Variants in EDIL3 observed in about 807,000 individuals in gnomAD.
EDIL3 encodes the protein EGF like and discoidin domains 3.
A neutral mutation model predicts 67.4 loss-of-function variants in EDIL3; 37 were observed. The observed-to-expected ratio is 0.55, with a 90% confidence interval of 0.42 to 0.72. EDIL3 has a LOEUF of 0.72. Ranked by LOEUF, EDIL3 falls within the 30% of genes least tolerant of loss-of-function variation. The pLI is 0.00. For synonymous variants in EDIL3, 195 were observed against 196.3 expected, an observed-to-expected ratio of 0.99 and a Z score of 0.05; for missense variants, 527 against 586.3, an observed-to-expected ratio of 0.90 and a Z score of 1.04.
chr5:84,338,509 C>G (rs1747033654), intron 1 of EDIL3, among the ~76,000 whole-genome samples: 1 of 152,142 alleles, frequency 6.6e-6, no homozygotes, highest in Non-Finnish European at 1.5e-5. Context: ...CTTCCTTTTG[C>G]TATCAGAGTG....
In EDIL3 at chr5:84,002,649, C is replaced by A. The variant is rs141921427; in HGVS notation, c.1138-39289G>T. ...TTTCTATATGCCAACAGTGAAATAC[C>A]TGAAAAAGAAATCAAGAAAGTAATC... On this transcript the variant is annotated intron_variant, in intron 9 of 10. Transcript: ENST00000296591. Among the ~76,000 whole-genome samples the A allele has an allele frequency of 7.1e-3, 1,087 of 152,222 alleles. 16 individuals carry two copies. The highest frequency in any genetic ancestry group is 0.024 in the African/African-American group (990 of 41,540).
intron 10 of EDIL3, among the ~76,000 whole-genome samples, chr5:83,958,412 GTGTGATTCCTCT>G (rs1744551549): frequency 6.6e-6 from 1 of 151,470 alleles, no homozygotes; most frequent in Non-Finnish European, 1.5e-5. Context: ...ATGAATATAC[GTGTGATTCCTCT>G]TTAAGGACCA....
At chr5:84,123,157 G>A (rs1747809461) in intron 5 of EDIL3, among the ~76,000 whole-genome samples, 1 of 151,882 alleles carries the variant, frequency 6.6e-6, no homozygotes, top group African/African-American at 2.4e-5. Flanking sequence ...AATGCCTCAG[G>A]ATAAATTGTG....
intron 3 of EDIL3, among the ~76,000 whole-genome samples, chr5:84,194,230 T>C (rs1743652608): frequency 6.6e-6 from 1 of 151,938 alleles, no homozygotes; most frequent in African/African-American, 2.4e-5. Flanking sequence ...GGTCATCTTG[T>C]TTTGTTTTTC....
chr5:84,297,884 G>T (rs1237232365), intron 1 of EDIL3, among the ~76,000 whole-genome samples: 1 of 152,130 alleles, frequency 6.6e-6, no homozygotes, highest in South Asian at 2.1e-4. Flanking sequence ...AGAGCCACGA[G>T]CCCTGGATTC....
At chr5:84,075,743 G>A (rs942624553) in intron 6 of EDIL3, among the ~76,000 whole-genome samples, 4 of 151,982 alleles carry the variant, frequency 2.6e-5, no homozygotes, top group African/African-American at 9.7e-5. Flanking sequence ...CCAGAGTGCT[G>A]GGATTACAGG....
At position 83,986,975 on chromosome 5, in the gene EDIL3, T is replaced by A. The variant is rs535421819; in HGVS notation, c.1138-23615A>T. 7.9e-5 allele frequency among the ~76,000 whole-genome samples: 12 copies of A among 152,238 alleles called. No homozygotes were observed. In the East Asian group the frequency reaches 2.3e-3, roughly 29 times the overall value. ...GGACTTTCTTAGTAACGAGCCATGATCAGGAAGCTAAGAAAGTTACAGTCT... is the reference window on the plus strand; with the variant it reads ...GGACTTTCTTAGTAACGAGCCATGAACAGGAAGCTAAGAAAGTTACAGTCT... On this transcript the variant is annotated intron_variant, in intron 9 of 10. Coordinates refer to ENST00000296591, the MANE Select transcript of EDIL3 (RefSeq NM_005711.5).
chr5:84,363,697 TG>T (rs1375119060), intron 1 of EDIL3, among the ~76,000 whole-genome samples: 1 of 152,122 alleles, frequency 6.6e-6, no homozygotes, highest in Non-Finnish European at 1.5e-5. Flanking sequence ...AGAGGTAAGA[TG>T]CCTTATTCTT....
At chr5:84,177,119 C>T (rs1377889276) in intron 4 of EDIL3, among the ~76,000 whole-genome samples, 1 of 152,002 alleles carries the variant, frequency 6.6e-6, no homozygotes, top group Non-Finnish European at 1.5e-5. Flanking sequence ...AACTTATGTC[C>T]ACACAAAAAC....
At chr5:84,010,800 C>G (rs2193957) in intron 9 of EDIL3, among the ~76,000 whole-genome samples, 2 of 151,910 alleles carry the variant, frequency 1.3e-5, no homozygotes, top group Non-Finnish European at 2.9e-5. Context: ...GCAGTTCACA[C>G]GTATGTTCAA....
At chr5:84,273,862 G>C (rs999833204) in intron 1 of EDIL3, among the ~76,000 whole-genome samples, 2 of 152,056 alleles carry the variant, frequency 1.3e-5, no homozygotes, top group African/African-American at 4.8e-5. Context: ...ATATGAGAAG[G>C]AGTTAGGCCA....
intron 9 of EDIL3, among the ~76,000 whole-genome samples, chr5:84,048,979 C>T (rs1169956736): frequency 1.3e-5 from 2 of 151,918 alleles, no homozygotes; most frequent in Admixed American, 6.6e-5. Context: ...CTAATCTGAG[C>T]AGAAGTAAAA....
intron 9 of EDIL3, among the ~76,000 whole-genome samples, chr5:83,968,937 A>G (rs1309496556): frequency 2.6e-5 from 4 of 151,824 alleles, no homozygotes; most frequent in Non-Finnish European, 2.9e-5. Context: ...AAAATTTATT[A>G]TTAGAAAACT....
intron 3 of EDIL3, among the ~76,000 whole-genome samples, chr5:84,187,834 C>T (rs2112364406): frequency 6.6e-6 from 1 of 152,006 alleles, no homozygotes; most frequent in Middle Eastern, 3.4e-3. Flanking sequence ...TGCTTCTCAT[C>T]CTGCTCTTTT....
At chr5:84,200,506 A>G (rs754333132) in intron 3 of EDIL3, among the ~76,000 whole-genome samples, 1 of 152,030 alleles carries the variant, frequency 6.6e-6, no homozygotes, top group Non-Finnish European at 1.5e-5. Context: ...AAAAAAATTT[A>G]CCATGTCTTC....
At chr5:84,149,163 T>C (rs1748342689) in intron 4 of EDIL3, among the ~76,000 whole-genome samples, 1 of 151,778 alleles carries the variant, frequency 6.6e-6, no homozygotes, top group Non-Finnish European at 1.5e-5. Context: ...CTAGTGTTTG[T>C]AGAACAGAAT....
At chr5:84,176,196 ATAATATATATAT>A (rs1247465420) in intron 4 of EDIL3, among the ~76,000 whole-genome samples, 2 of 28,928 alleles carry the variant, frequency 6.9e-5, no homozygotes, top group East Asian at 4.9e-3. Flanking sequence ...ATATATATAT[ATAATATATATAT>A]ATATATATAT....
intron 9 of EDIL3, among the ~76,000 whole-genome samples, chr5:83,970,897 T>C (rs1269111868): frequency 6.6e-6 from 1 of 151,418 alleles, no homozygotes; most frequent in African/African-American, 2.4e-5. Context: ...GACTGTTTTC[T>C]AGGAGAAGAC....
chr5:84,334,712 G>A (rs944922536), intron 1 of EDIL3, among the ~76,000 whole-genome samples: 1 of 152,030 alleles, frequency 6.6e-6, no homozygotes, highest in African/African-American at 2.4e-5. Context: ...TGCCCTCAAA[G>A]TCACATTTTT....
Sources: allele counts gnomAD v4.1 joint callset (sites outside exome capture counted in the v4.1 genomes callset), GRCh38; gene constraint gnomAD v4.1.1; transcripts MANE v1.5; gene names NCBI Gene and HGNC (gene_info 2026-07-23, HGNC 2026-07-21).